Variants in ST6GALNAC3 observed in about 807,000 individuals in gnomAD.
ST6GALNAC3 encodes the protein alpha-N-acetylgalactosaminide alpha-2,6-sialyltransferase 3.
Under a neutral mutation model 32.7 loss-of-function variants are expected in ST6GALNAC3, and 25 were observed. The ratio of observed to expected loss-of-function variants is 0.76; its 90% CI spans 0.56 to 1.07. ST6GALNAC3 has a LOEUF of 1.07. Ranked by LOEUF, ST6GALNAC3 falls within the 50% of genes least tolerant of loss-of-function variation. ST6GALNAC3 has a pLI of 0.00. For missense variants in ST6GALNAC3, 355 were observed against 382.4 expected (o/e 0.93, Z 0.60); for synonymous variants, 129 against 133.1 (o/e 0.97, Z 0.21).
intron 3 of ST6GALNAC3, among the ~76,000 whole-genome samples, chr1:76,513,498 T>C (rs1241814495): frequency 6.6e-6 from 1 of 152,310 alleles, no homozygotes; most frequent in Middle Eastern, 3.4e-3. Context: ...TGTGTCTGCT[T>C]ATATGTTAGT....
At chr1:76,302,440 T>C (rs1284355127) in intron 1 of ST6GALNAC3, among the ~76,000 whole-genome samples, 1 of 152,024 alleles carries the variant, frequency 6.6e-6, no homozygotes, top group Non-Finnish European at 1.5e-5. Context: ...TTCTGGCATA[T>C]TCTAGTGCTA....
At chr1:76,602,415 G>A (rs1430493611) in intron 3 of ST6GALNAC3, among the ~76,000 whole-genome samples, 1 of 152,056 alleles carries the variant, frequency 6.6e-6, no homozygotes, top group African/African-American at 2.4e-5. Flanking sequence ...AAGTGGATCA[G>A]TCTAAGGAGG....
intron 2 of ST6GALNAC3, among the ~76,000 whole-genome samples, chr1:76,345,879 C>A (rs1286333508): frequency 6.6e-6 from 1 of 152,094 alleles, no homozygotes; most frequent in Admixed American, 6.6e-5. Flanking sequence ...TTCCTCAGGG[C>A]CTTTGCACTG....
intron 1 of ST6GALNAC3, among the ~76,000 whole-genome samples, chr1:76,282,449 C>T (rs1659550593): frequency 6.6e-6 from 1 of 152,038 alleles, no homozygotes; most frequent in Admixed American, 6.6e-5. Flanking sequence ...TTTAAAACCA[C>T]AGTATCATTA....
chr1:76,570,484 T>C (rs565218001), intron 3 of ST6GALNAC3, among the ~76,000 whole-genome samples: 1 of 152,200 alleles, frequency 6.6e-6, no homozygotes, highest in South Asian at 2.1e-4. Context: ...CATACCTTCC[T>C]CTATTTACTA....
At chr1:76,352,920 C>G (rs1649112937) in intron 2 of ST6GALNAC3, among the ~76,000 whole-genome samples, 1 of 152,102 alleles carries the variant, frequency 6.6e-6, no homozygotes, top group African/African-American at 2.4e-5. Context: ...GTTATATCAC[C>G]AAACCTGTCC....
At chr1:76,623,761 C>CT (rs2100711371) in intron 3 of ST6GALNAC3, among the ~76,000 whole-genome samples, 1 of 151,908 alleles carries the variant, frequency 6.6e-6, no homozygotes, top group East Asian at 1.9e-4. Flanking sequence ...ACTTAAAGGT[C>CT]TAGTTGTGTG....
At chr1:76,270,136 T>G (rs1423499943) in intron 1 of ST6GALNAC3, among the ~76,000 whole-genome samples, 1 of 152,204 alleles carries the variant, frequency 6.6e-6, no homozygotes, top group African/African-American at 2.4e-5. Flanking sequence ...TTATTGAACT[T>G]ATTTTGATAT....
chr1:76,134,152 A>G (rs1273194962), intron 1 of ST6GALNAC3, among the ~76,000 whole-genome samples: 1 of 152,248 alleles, frequency 6.6e-6, no homozygotes, highest in Non-Finnish European at 1.5e-5. Context: ...TCCCAGGCCC[A>G]GGGCACTGAT....
At chr1:76,102,032 AC>A (rs1254071243) in intron 1 of ST6GALNAC3, among the ~76,000 whole-genome samples, 1 of 151,906 alleles carries the variant, frequency 6.6e-6, no homozygotes, top group Non-Finnish European at 1.5e-5. Context: ...CTGCATTCTC[AC>A]TGATTTCTTT....
intron 3 of ST6GALNAC3, among the ~76,000 whole-genome samples, chr1:76,602,217 G>A (rs2647392): frequency 0.29 from 43,929 of 151,992 alleles, 6,746 homozygotes; most frequent in African/African-American, 0.36. Context: ...GTCTGACAGG[G>A]TAGGTTCACC....
chr1:76,265,938 G>T (rs1034781578), intron 1 of ST6GALNAC3, among the ~76,000 whole-genome samples: 2 of 152,190 alleles, frequency 1.3e-5, no homozygotes, highest in Non-Finnish European at 2.9e-5. Context: ...GGAATCTGCA[G>T]CTGCACAGGT....
chr1:76,202,958 A>G (rs942972029), intron 1 of ST6GALNAC3, among the ~76,000 whole-genome samples: 1 of 152,168 alleles, frequency 6.6e-6, no homozygotes, highest in African/African-American at 2.4e-5. Context: ...CAAGTATGTC[A>G]CCTTTAACAT....
At chr1:76,257,421 T>C (rs2100717190) in intron 1 of ST6GALNAC3, among the ~76,000 whole-genome samples, 2 of 152,238 alleles carry the variant, frequency 1.3e-5, no homozygotes, top group East Asian at 3.9e-4. Flanking sequence ...TAGCCCCCTG[T>C]AAGATTCTGA....
intron 1 of ST6GALNAC3, among the ~76,000 whole-genome samples, chr1:76,219,425 G>A (rs1249302315): frequency 6.6e-6 from 1 of 152,202 alleles, no homozygotes; most frequent in Non-Finnish European, 1.5e-5. Flanking sequence ...CAGTGGCAAA[G>A]GCAGAGCAGG....
At chr1:76,552,324 T>C (rs1246345379) in intron 3 of ST6GALNAC3, among the ~76,000 whole-genome samples, 1 of 152,152 alleles carries the variant, frequency 6.6e-6, no homozygotes, top group South Asian at 2.1e-4. Flanking sequence ...ATTGGAGAGC[T>C]TTTGCAGGCT....
At chr1:76,318,164 A>G (rs1170771131) in intron 2 of ST6GALNAC3, among the ~76,000 whole-genome samples, 1 of 152,050 alleles carries the variant, frequency 6.6e-6, no homozygotes, top group Non-Finnish European at 1.5e-5. Flanking sequence ...CAAGCTGTTT[A>G]TTTTTTTCCC....
chr1:76,138,287 C>G (rs1258213746), intron 1 of ST6GALNAC3, among the ~76,000 whole-genome samples: 1 of 151,998 alleles, frequency 6.6e-6, no homozygotes, highest in Non-Finnish European at 1.5e-5. Flanking sequence ...GTCACTGAAC[C>G]CTTAGTGCTT....
intron 1 of ST6GALNAC3, among the ~76,000 whole-genome samples, chr1:76,241,379 G>T (rs1312265218): frequency 6.6e-6 from 1 of 152,200 alleles, no homozygotes; most frequent in Non-Finnish European, 1.5e-5. Context: ...ACCAGTGTGT[G>T]CAGAGATCAC....
Sources: allele counts gnomAD v4.1 joint callset (sites outside exome capture counted in the v4.1 genomes callset), GRCh38; gene constraint gnomAD v4.1.1; transcripts MANE v1.5; gene names NCBI Gene and HGNC (gene_info 2026-07-23, HGNC 2026-07-21).